Variants in KLHL29 observed in about 807,000 individuals in gnomAD.
KLHL29 encodes kelch-like protein 29.
A neutral mutation model predicts 80.4 loss-of-function variants in KLHL29; 21 were observed. The ratio of observed to expected loss-of-function variants is 0.26; its 90% CI spans 0.19 to 0.38. KLHL29 has a LOEUF of 0.38. Among genes scored for constraint, KLHL29 ranks in the 10% least tolerant of loss-of-function variants. The pLI is 1.00. For missense variants in KLHL29, 867 were observed against 1,223.9 expected, an observed-to-expected ratio of 0.71 and a Z score of 4.35; for synonymous variants, 511 against 526.8, an observed-to-expected ratio of 0.97 and a Z score of 0.41.
chr2:23,621,295 C>T lies in KLHL29; in HGVS notation c.286-17844C>T, dbSNP rs539644138. On this transcript the variant is annotated intron_variant, in intron 3 of 13. Transcript: ENST00000486442. ...TGGGGAAGCCCAGCCGGACTAAGAC[C>T]TGCTGCTGACTTCCATCTGCTGATT... 9.8e-5 allele frequency among the ~76,000 whole-genome samples: 15 copies of T among 152,346 alleles called. No individual in the cohort carries two copies. The East Asian group carries it at 2.9e-3, about 29-fold the overall frequency.
At chr2:23,388,812 G>A (rs927774839) in intron 1 of KLHL29, among the ~76,000 whole-genome samples, 1 of 150,986 alleles carries the variant, frequency 6.6e-6, no homozygotes, top group African/African-American at 2.4e-5. Context: ...TCATTTTTTG[G>A]CATCTCATTT....
At chr2:23,536,447 G>C (rs934587733) in intron 2 of KLHL29, among the ~76,000 whole-genome samples, 1 of 152,146 alleles carries the variant, frequency 6.6e-6, no homozygotes, top group Non-Finnish European at 1.5e-5. Context: ...GGCTGGTGCC[G>C]GCCTGAGCAG....
chr2:23,385,855 G>T (rs1456544946), intron 1 of KLHL29, 75 bp downstream of exon 1: 2 of 152,160 alleles, frequency 1.3e-5, no homozygotes, highest in Non-Finnish European at 2.9e-5. Flanking sequence ...GCCGCGTGGG[G>T]CCGGGCCGGG....
chr2:23,531,804 G>A (rs1019203526), intron 2 of KLHL29, among the ~76,000 whole-genome samples: 1 of 152,176 alleles, frequency 6.6e-6, no homozygotes, highest in African/African-American at 2.4e-5. Context: ...AATCCTTCTG[G>A]GTGAAAAATA....
chr2:23,432,327 A>G (rs1389145486), intron 1 of KLHL29, among the ~76,000 whole-genome samples: 1 of 152,360 alleles, frequency 6.6e-6, no homozygotes, highest in Admixed American at 6.5e-5. Flanking sequence ...ATTATCTTCA[A>G]ATTTTGCCCT....
intron 1 of KLHL29, among the ~76,000 whole-genome samples, chr2:23,401,234 G>C (rs901555701): frequency 6.6e-6 from 1 of 152,160 alleles, no homozygotes; most frequent in South Asian, 2.1e-4. Flanking sequence ...GGTGGGCTGT[G>C]GTCACTGGGG....
chr2:23,582,548 A>G (rs1392624361), intron 3 of KLHL29, among the ~76,000 whole-genome samples: 1 of 152,192 alleles, frequency 6.6e-6, no homozygotes, highest in East Asian at 1.9e-4. Flanking sequence ...CTGCCCCTCC[A>G]GGAACTTCAC....
chr2:23,522,983 C>T (rs566323429), intron 2 of KLHL29, among the ~76,000 whole-genome samples: 3 of 151,228 alleles, frequency 2.0e-5, no homozygotes, highest in Non-Finnish European at 2.9e-5. Context: ...GTGTTAGAGC[C>T]GTCTCTGAAG....
chr2:23,554,144 C>T (rs1667200486), intron 2 of KLHL29, among the ~76,000 whole-genome samples: 1 of 152,234 alleles, frequency 6.6e-6, no homozygotes, highest in Admixed American at 6.5e-5. Context: ...CCGCTAACAT[C>T]CACGTCAAGT....
Position 23,669,698 on chromosome 2 carries a change from G to C in KLHL29, c.941-14701G>C, listed in dbSNP as rs943047157. 1.3e-5 allele frequency among the ~76,000 whole-genome samples: 2 copies of C among 152,108 alleles called. No homozygotes were observed. Among genetic ancestry groups the C allele is most frequent in the African/African-American group, 4.8e-5 (2 of 41,420 alleles). On this transcript the variant is annotated intron_variant, in intron 5 of 13. Transcript: ENST00000486442. The surrounding 1 kb of genome is among the most constrained non-coding windows in gnomAD (Gnocchi z 4.3). ...GGTCCCCCCTCTGTGTGGCTGCCCT[G>C]CCACCCCCAGTCAGCCTCTGAGCAC... is the stretch of plus-strand genomic sequence containing the variant.
intron 1 of KLHL29, among the ~76,000 whole-genome samples, chr2:23,460,172 AATTT>A (rs1664170864): frequency 6.6e-6 from 1 of 152,112 alleles, no homozygotes; most frequent in Admixed American, 6.5e-5. Flanking sequence ...ATGAGCACTA[AATTT>A]ATTTTATTTC....
intron 3 of KLHL29, among the ~76,000 whole-genome samples, chr2:23,582,835 C>A (rs1384491228): frequency 6.6e-6 from 1 of 152,160 alleles, no homozygotes; most frequent in African/African-American, 2.4e-5. Flanking sequence ...ACCCCACCCC[C>A]CAGCCAAATA....
chr2:23,658,013 T>A (rs1028025950), intron 5 of KLHL29, among the ~76,000 whole-genome samples: 7 of 152,042 alleles, frequency 4.6e-5, no homozygotes, highest in African/African-American at 1.7e-4. Flanking sequence ...TCTCAGCCCC[T>A]CAAGCTCCAT....
chr2:23,416,928 C>T (rs1666992710), intron 1 of KLHL29, among the ~76,000 whole-genome samples: 1 of 152,222 alleles, frequency 6.6e-6, no homozygotes, highest in South Asian at 2.1e-4. Flanking sequence ...CCCCTGGATA[C>T]TCCACAGGCA....
At chr2:23,546,107 C>G (rs1231412016) in intron 2 of KLHL29, among the ~76,000 whole-genome samples, 2 of 152,216 alleles carry the variant, frequency 1.3e-5, no homozygotes, top group Non-Finnish European at 2.9e-5. Context: ...TCTCCAGACC[C>G]TCTCAGGGGC....
intron 2 of KLHL29, among the ~76,000 whole-genome samples, chr2:23,550,275 G>T (rs55986578): frequency 6.6e-6 from 1 of 152,030 alleles, no homozygotes; most frequent in South Asian, 2.1e-4. Context: ...AGAGGGAAAG[G>T]GGGGCACGAA....
At chr2:23,652,161 T>C (rs1670105088) in intron 5 of KLHL29, among the ~76,000 whole-genome samples, 1 of 152,252 alleles carries the variant, frequency 6.6e-6, no homozygotes, top group South Asian at 2.1e-4. Context: ...AACATTTTCA[T>C]AAATGCACTT....
At chr2:23,651,771 C>T (rs1381870637) in intron 5 of KLHL29, among the ~76,000 whole-genome samples, 4 of 152,154 alleles carry the variant, frequency 2.6e-5, no homozygotes. Context: ...GCAGGGTTGG[C>T]TTCTGGTGAG....
chr2:23,619,744 G>A (rs769732195), intron 3 of KLHL29, among the ~76,000 whole-genome samples: 4 of 152,144 alleles, frequency 2.6e-5, no homozygotes, highest in African/African-American at 4.8e-5. Context: ...ATGGAAGCAC[G>A]TCTGGGGCGC....
Sources: allele counts gnomAD v4.1 joint callset (sites outside exome capture counted in the v4.1 genomes callset), GRCh38; gene constraint gnomAD v4.1.1; non-coding constraint Gnocchi (gnomAD v3.1); transcripts MANE v1.5; gene names NCBI Gene and HGNC (gene_info 2026-07-23, HGNC 2026-07-21).